ARFGEF2: variants seen among roughly 807,000 people sequenced by gnomAD.
ARFGEF2 encodes the protein ARF guanine nucleotide exchange factor 2.
ARFGEF2 carries 74 observed loss-of-function variants against 219.9 expected under a neutral mutation model. That is an observed-to-expected ratio of 0.34 (90% CI 0.28 to 0.41). The LOEUF is 0.41. Ranked by LOEUF, ARFGEF2 falls within the 10% of genes least tolerant of loss-of-function variation. The pLI, the probability that ARFGEF2 is intolerant of heterozygous loss-of-function variation, is 1.00. For synonymous variants in ARFGEF2, 733 were observed against 799.2 expected (o/e 0.92, Z 1.40); for missense variants, 1,743 against 2,218.3 (o/e 0.79, Z 4.30).
rs1413948406 is a variant in ARFGEF2 at position 48,929,841 on chromosome 20, A to G, written c.121+7831A>G. Among the ~76,000 whole-genome samples, 3 of 152,104 alleles carry G rather than the reference A, an allele frequency of 2.0e-5. 1 individual carries two copies. The highest frequency in any genetic ancestry group is 7.2e-5 in the African/African-American group (3 of 41,414). On this transcript the variant is annotated intron_variant, in intron 1 of 38. Coordinates refer to ENST00000371917, the MANE Select transcript of ARFGEF2 (RefSeq NM_006420.3). ...AGTGGAGATGGAGTGGGAGTGGGAGAGGTAGGCCAAGACCCCAACATGCAA... is the reference window on the plus strand; with the variant it reads ...AGTGGAGATGGAGTGGGAGTGGGAGGGGTAGGCCAAGACCCCAACATGCAA...
At chr20:49,018,476 T>C (rs573932251) in intron 33 of ARFGEF2, among the ~76,000 whole-genome samples, 1 of 152,314 alleles carries the variant, frequency 6.6e-6, no homozygotes, top group Admixed American at 6.5e-5. Flanking sequence ...CCTCAGGTGA[T>C]CCGCCTTCCT....
intron 25 of ARFGEF2, among the ~76,000 whole-genome samples, chr20:49,000,472 A>G (rs1228343671): frequency 6.6e-6 from 1 of 152,060 alleles, no homozygotes; most frequent in Admixed American, 6.5e-5. Context: ...GAGCCTGTGG[A>G]TGATCCAGGG....
Position 48,921,954 on chromosome 20 carries a change from A to G in ARFGEF2, c.65A>G (p.Lys22Arg). The G allele has an allele frequency of 1.3e-6, 2 of 1,573,476 alleles. No individual in the cohort carries two copies. Among genetic ancestry groups the G allele is most frequent in the Non-Finnish European group, 1.7e-6 (2 of 1,159,714 alleles). Residue 22 changes from lysine (K) to arginine (R), a missense_variant, in exon 1 of 39, where the codon AAG becomes AGG. Around this residue, in one of 5 missense-constraint regions of ARFGEF2, gnomAD observed 394 missense variants for 426.6 expected, o/e 0.92. Coordinates refer to ENST00000371917, the MANE Select transcript of ARFGEF2 (RefSeq NM_006420.3). ...SRALEKILAD[K>R]EVKRPQHSQL... ...GCCCTGGAGAAGATCCTAGCCGACA[A>G]GGAGGTGAAGCGGCCCCAGCACTCC...
intron 7 of ARFGEF2, among the ~76,000 whole-genome samples, chr20:48,964,265 C>T (rs1277054693): frequency 6.6e-6 from 1 of 152,126 alleles, no homozygotes; most frequent in Admixed American, 6.5e-5. Flanking sequence ...AGTAGCCGGG[C>T]GTGGTGGCGC....
In ARFGEF2 at chr20:48,988,671, T is replaced by C. The variant is rs749799239; in HGVS notation, c.2533+9T>C. The C allele has an allele frequency of 3.7e-6, 6 of 1,610,856 alleles. No individual in the cohort carries two copies. The highest frequency in any genetic ancestry group is 1.3e-5 in the African/African-American group (1 of 74,864). On this transcript the variant is annotated intron_variant, in intron 18 of 38. Coordinates refer to ENST00000371917, the MANE Select transcript of ARFGEF2 (RefSeq NM_006420.3). ...CAAATCTACTAAGCAGAGTAAGGTC[T>C]AATGGCAAATTATTTCTTTTAGTTC...
At chr20:48,977,415 T>TGAATA (rs2091268732) in intron 14 of ARFGEF2, among the ~76,000 whole-genome samples, 1 of 152,204 alleles carries the variant, frequency 6.6e-6, no homozygotes, top group Admixed American at 6.5e-5. Flanking sequence ...TTTGCTACTG[T>TGAATA]GAATAGTGCC....
intron 26 of ARFGEF2, among the ~76,000 whole-genome samples, chr20:49,007,592 CTTTTTTTTTTTTTTTT>C (rs752508908): frequency 3.1e-5 from 3 of 97,868 alleles, no homozygotes; most frequent in Non-Finnish European, 4.0e-5. Context: ...CCTGGTGTTG[CTTTTTTTTTTTTTTTT>C]TTTTTTTTAA....
Position 48,921,904 on chromosome 20 carries a change from G to A in ARFGEF2, c.15G>A (p.Gln5=), listed in dbSNP as rs1345752696. MQES[Q]TKSMFVSRAL... Reference sequence around the variant, plus strand: ...GGGCCGGGGCCATGCAGGAGAGCCAGACCAAGAGCATGTTCGTGTCCCGGG... The same window carrying A: ...GGGCCGGGGCCATGCAGGAGAGCCAAACCAAGAGCATGTTCGTGTCCCGGG... Residue 5 remains glutamine (Q), a synonymous_variant, in exon 1 of 39, where the codon CAG becomes CAA. Transcript: ENST00000371917. The A allele has an allele frequency of 6.4e-7, 1 of 1,551,070 alleles. No homozygotes were observed. Among genetic ancestry groups the A allele is most frequent in the Non-Finnish European group, 8.7e-7 (1 of 1,146,600 alleles).
chr20:49,020,847 T>C, intron 34 of ARFGEF2, among the ~76,000 whole-genome samples: 1 of 152,188 alleles, frequency 6.6e-6, no homozygotes, highest in East Asian at 1.9e-4. Flanking sequence ...AGTGAGAGTC[T>C]ACACTCTGAG....
chr20:48,998,553 T>C (rs750147250), intron 25 of ARFGEF2, 48 bp downstream of exon 25: 3 of 1,385,928 alleles, frequency 2.2e-6, no homozygotes, highest in Middle Eastern at 2.1e-4. Flanking sequence ...AAAAAAAAAG[T>C]AGACAACTGA....
At chr20:49,004,455 T>G (rs1183796888) in intron 25 of ARFGEF2, among the ~76,000 whole-genome samples, 1 of 151,760 alleles carries the variant, frequency 6.6e-6, no homozygotes, top group African/African-American at 2.4e-5. Context: ...TATTTTACAA[T>G]TAGAAAAATT....
chr20:49,010,384 A>G lies in ARFGEF2; in HGVS notation c.3737A>G (p.Gln1246Arg), dbSNP rs1600542540. The change falls in exon 27 of 39, where the codon CAG becomes CGG. Residue 1246 changes from glutamine to arginine, a missense_variant. Physicochemically the swap from Gln to Arg is conservative, Grantham distance 43 (BLOSUM62 1). Coordinates refer to ENST00000371917, the MANE Select transcript of ARFGEF2 (RefSeq NM_006420.3). Reference protein sequence around the residue: ...HDGNIVELAFQTTCHIVTTIF... With the variant: ...HDGNIVELAFRTTCHIVTTIF... ...GGGAACATTGTGGAGCTGGCCTTCCAGACCACTTGCCACATTGTCAGTAAG... is the reference window on the plus strand; with the variant it reads ...GGGAACATTGTGGAGCTGGCCTTCCGGACCACTTGCCACATTGTCAGTAAG... 2 of 1,614,060 alleles carry G rather than the reference A, an allele frequency of 1.2e-6. No individual in the cohort carries two copies. Among genetic ancestry groups the G allele is most frequent in the Non-Finnish European group, 1.7e-6 (2 of 1,180,040 alleles).
chr20:48,954,090 T>C (rs918756635), intron 6 of ARFGEF2, among the ~76,000 whole-genome samples: 1 of 152,192 alleles, frequency 6.6e-6, no homozygotes, highest in African/African-American at 2.4e-5. Context: ...CAGTAGTTAA[T>C]TGATTGGGTG....
At chr20:48,950,757 C>G (rs1331234638) in intron 3 of ARFGEF2, among the ~76,000 whole-genome samples, 4 of 134,632 alleles carry the variant, frequency 3.0e-5, no homozygotes, top group Admixed American at 1.6e-4. Context: ...GACCGTACCA[C>G]TTCATTCCAG....
At chr20:48,949,336 T>C (rs2091050633) in intron 3 of ARFGEF2, among the ~76,000 whole-genome samples, 2 of 152,138 alleles carry the variant, frequency 1.3e-5, no homozygotes, top group Non-Finnish European at 2.9e-5. Flanking sequence ...CCACTTGCAA[T>C]CCAGTGCACA....
chr20:49,008,504 A>G (rs547155048), intron 26 of ARFGEF2, among the ~76,000 whole-genome samples: 4 of 151,946 alleles, frequency 2.6e-5, no homozygotes, highest in Admixed American at 6.6e-5. Context: ...TGGAGGTTGC[A>G]GTGAGCCAAG....
At chr20:48,975,335 A>G (rs954388045) in intron 13 of ARFGEF2, among the ~76,000 whole-genome samples, 1 of 152,162 alleles carries the variant, frequency 6.6e-6, no homozygotes, top group Non-Finnish European at 1.5e-5. Flanking sequence ...GACGTGAGCC[A>G]CTGTGCCTGG....
At chr20:48,954,440 A>G (rs945290547) in intron 6 of ARFGEF2, among the ~76,000 whole-genome samples, 16 of 152,250 alleles carry the variant, frequency 1.1e-4, no homozygotes, top group Non-Finnish European at 1.5e-5. Flanking sequence ...TGTAGGAACC[A>G]GATCCAAAAT....
intron 14 of ARFGEF2, among the ~76,000 whole-genome samples, chr20:48,984,508 A>C (rs1218009089): frequency 6.6e-6 from 1 of 152,106 alleles, no homozygotes; most frequent in East Asian, 1.9e-4. Context: ...GGAGAAGGGG[A>C]GAGTGGATAT....
Sources: gnomAD v4.1 joint callset for allele counts (sites outside exome capture counted in the v4.1 genomes callset) on GRCh38, gnomAD v4.1.1 for gene constraint, gnomAD v4.1.1 regional missense constraint, MANE v1.5 for transcripts, NCBI Gene and HGNC (gene_info 2026-07-23, HGNC 2026-07-21) for gene names.